SNIP1: variants seen among roughly 807,000 people sequenced by gnomAD.
The protein encoded by SNIP1 is smad nuclear-interacting protein 1.
A neutral mutation model predicts 37.4 loss-of-function variants in SNIP1; 23 were observed. The ratio of observed to expected loss-of-function variants is 0.61; its 90% CI spans 0.44 to 0.87. The LOEUF (loss-of-function observed/expected upper bound fraction) is 0.87, where lower values mean the gene tolerates loss of function less well. Ranked by LOEUF, SNIP1 falls within the 40% of genes least tolerant of loss-of-function variation. SNIP1 has a pLI of 0.00. For synonymous variants in SNIP1, 174 were observed against 200.0 expected (o/e 0.87, Z 1.10); for missense variants, 459 against 540.4 (o/e 0.85, Z 1.49).
chr1:37,546,940 A>G (rs1159618375), intron 2 of SNIP1, among the ~76,000 whole-genome samples: 1 of 152,200 alleles, frequency 6.6e-6, no homozygotes, highest in Admixed American at 6.6e-5. Context: ...TCAAGTTACC[A>G]GATTCTCTTG....
In SNIP1 at chr1:37,535,459, G is replaced by C. The variant is rs928029967; in HGVS notation, c.*2289C>G. ...TGGCATAAAGAATTTCTTAATCCAG[G>C]ACGTTATTCCTCTACTAAAATAAAA... On this transcript the variant is annotated 3_prime_UTR_variant, in exon 4 of 4. Transcript: ENST00000296215. The C allele has an allele frequency of 6.6e-6, 1 of 151,686 alleles. No individual in the cohort carries two copies. Among genetic ancestry groups the C allele is most frequent in the East Asian group, 1.9e-4 (1 of 5,180 alleles). The allele number at this position is 151,686 out of a possible 1,614,324, so 9.4% of individuals were successfully genotyped here.
intron 2 of SNIP1, 77 bp downstream of exon 2, chr1:37,552,568 C>G: frequency 1.6e-6 from 2 of 1,221,176 alleles, no homozygotes; most frequent in Non-Finnish European, 2.4e-6. Context: ...ACACACAACA[C>G]ACACACACAT....
At chr1:37,553,688 G>T (rs1486673276) in intron 1 of SNIP1, among the ~76,000 whole-genome samples, 2 of 152,074 alleles carry the variant, frequency 1.3e-5, no homozygotes, top group African/African-American at 4.8e-5. Context: ...CTCCATTTGT[G>T]GGAGGGATGG....
intron 2 of SNIP1, among the ~76,000 whole-genome samples, chr1:37,550,241 T>C (rs1045726494): frequency 3.9e-5 from 6 of 152,146 alleles, no homozygotes; most frequent in South Asian, 2.1e-4. Context: ...CTGGACTTCA[T>C]TGAAATTAAA....
At chr1:37,543,911 G>C (rs781052172) in intron 2 of SNIP1, among the ~76,000 whole-genome samples, 11 of 151,124 alleles carry the variant, frequency 7.3e-5, no homozygotes, top group African/African-American at 1.2e-4. Flanking sequence ...GAGGGCAAGG[G>C]GGGGGGCAGG....
Position 37,536,900 on chromosome 1 carries a change from AC to A in SNIP1, c.*847del, listed in dbSNP as rs1173083276. 1.3e-5 allele frequency: 2 copies of A among 152,200 alleles called. No homozygotes were observed. The highest frequency in any genetic ancestry group is 4.8e-5 in the African/African-American group (2 of 41,470). The allele number at this position is 152,200 out of a possible 1,614,324, so 9.4% of individuals were successfully genotyped here. Reference sequence around the variant, plus strand: ...ATTAGAATAAAGAAAGAACGCTGTCACATCAGTGACAGTTTATTTCTCAAAG... The same window carrying A: ...ATTAGAATAAAGAAAGAACGCTGTCAATCAGTGACAGTTTATTTCTCAAAG... On this transcript the variant is annotated 3_prime_UTR_variant, in exon 4 of 4. Coordinates refer to ENST00000296215, the MANE Select transcript of SNIP1 (RefSeq NM_024700.4).
chr1:37,550,664 G>A (rs922612851), intron 2 of SNIP1, among the ~76,000 whole-genome samples: 2 of 151,864 alleles, frequency 1.3e-5, no homozygotes, highest in African/African-American at 4.8e-5. Flanking sequence ...CTGAGATCGC[G>A]CCATTACACT....
In SNIP1 at chr1:37,548,021, G is replaced by A. The variant is rs374723422; in HGVS notation, c.327+4624C>T. On this transcript the variant is annotated intron_variant, in intron 2 of 3. Transcript: ENST00000296215. ...AAAAAAATTAGCCAGGCATGGTGGC[G>A]GGCGCCTGTAGTCCCAGCTACTCAG... Among the ~76,000 whole-genome samples, 56 of 151,290 alleles carry A rather than the reference G, an allele frequency of 3.7e-4. 2 individuals carry two copies. The East Asian group carries it at 0.011, about 29-fold the overall frequency.
chr1:37,536,320 C>T lies in SNIP1; in HGVS notation c.*1428G>A, dbSNP rs942612215. ...CCAAGAGGAACAATTAGTAGTAACA[C>T]TGATTGAGCTGCTTCACCACCTTTC... On this transcript the variant is annotated 3_prime_UTR_variant, in exon 4 of 4. Coordinates refer to ENST00000296215, the MANE Select transcript of SNIP1 (RefSeq NM_024700.4). 1 of 152,182 alleles carries T rather than the reference C, an allele frequency of 6.6e-6. No homozygotes were observed. The highest frequency in any genetic ancestry group is 1.5e-5 in the Non-Finnish European group (1 of 68,038). The allele number at this position is 152,182 out of a possible 1,614,324, so 9.4% of individuals were successfully genotyped here.
rs541512249 is a variant in SNIP1 at position 37,536,838 on chromosome 1, T to C, written c.*910A>G. The stretch of plus-strand genomic sequence containing the variant: ...TTAAAGGATGAAATGTGTAGAAACA[T>C]GTAAACAACACAACCTGCTTTAGAT... On this transcript the variant is annotated 3_prime_UTR_variant, in exon 4 of 4. Transcript: ENST00000296215. 1.3e-5 allele frequency: 2 copies of C among 152,264 alleles called. No individual in the cohort carries two copies. The highest frequency in any genetic ancestry group is 6.5e-5 in the Admixed American group (1 of 15,292). 9.4% of individuals were successfully genotyped at this position (152,264 alleles called of 1,614,324 possible).
rs919739721 is a variant in SNIP1, at chr1:37,552,404, A to C, written c.327+241T>G. The C allele has an allele frequency of 1.5e-5, 7 of 479,964 alleles. No individual in the cohort carries two copies. The Admixed American group carries it at 2.5e-4, about 17-fold the overall frequency. 29.7% of individuals were successfully genotyped at this position (479,964 alleles called of 1,614,324 possible). Reference sequence around the variant, plus strand: ...CAGGAAGAGTATATCTCCCTGAATTATTTCTGACAACTGCATGTGAACCAA... The same window carrying C: ...CAGGAAGAGTATATCTCCCTGAATTCTTTCTGACAACTGCATGTGAACCAA... On this transcript the variant is annotated intron_variant, in intron 2 of 3. Transcript: ENST00000296215.
In SNIP1 at chr1:37,540,376, G is replaced by A. The variant is rs1182220392; in HGVS notation, c.707C>T (p.Thr236Ile). Reference sequence around the variant, plus strand: ...AATGACTACACCCCGGAAAGTGTTGGTGTCCTCAAGAAGTGCCCCAGAAAG... The same window carrying A: ...AATGACTACACCCCGGAAAGTGTTGATGTCCTCAAGAAGTGCCCCAGAAAG... ...FELSGALLED[T>I]NTFRGVVIKY... is the part of the protein sequence containing the mutation. The change falls in exon 3 of 4, where the codon ACC (threonine) becomes ATC (isoleucine). Residue 236 changes from threonine (T) to isoleucine (I), a missense_variant. Transcript: ENST00000296215. The surrounding 1 kb of genome is among the most constrained non-coding windows in gnomAD (Gnocchi z 5.6). The A allele has an allele frequency of 2.5e-6, 4 of 1,614,110 alleles. No individual in the cohort carries two copies. The Admixed American group carries it at 5.0e-5, about 20-fold the overall frequency.
intron 2 of SNIP1, chr1:37,541,618 C>G (rs1300612140): frequency 6.7e-6 from 1 of 149,680 alleles, no homozygotes; most frequent in African/African-American, 2.5e-5. Context: ...GCCGAGATCA[C>G]GCCATTACAC....
intron 2 of SNIP1, among the ~76,000 whole-genome samples, chr1:37,543,048 C>A (rs367630529): frequency 6.0e-5 from 9 of 149,118 alleles, no homozygotes; most frequent in East Asian, 5.8e-4. Flanking sequence ...CAACAGAGAC[C>A]CTGTCTTGAA....
Position 37,537,994 on chromosome 1 carries a change from A to C in SNIP1, c.945T>G (p.Arg315=). Residue 315 remains arginine, a synonymous_variant, in exon 4 of 4, where the codon CGT becomes CGG. Transcript: ENST00000296215. ...VFQYRLVEYT[R]ADGTVGRRVK... ...CTCTTCGGCCAACTGTGCCATCAGC[A>C]CGGGTATATTCCACAAGCCTAGCAG... is the stretch of plus-strand genomic sequence containing the variant. The C allele has an allele frequency of 6.2e-7, 1 of 1,612,154 alleles. No homozygotes were observed. Among genetic ancestry groups the C allele is most frequent in the African/African-American group, 1.3e-5 (1 of 74,906 alleles).
At chr1:37,549,810 G>A (rs1221159467) in intron 2 of SNIP1, among the ~76,000 whole-genome samples, 7 of 152,080 alleles carry the variant, frequency 4.6e-5, no homozygotes, top group Admixed American at 2.0e-4. Context: ...AGACTACAAT[G>A]GGAAAAATCA....
chr1:37,539,461 C>G (rs1404943698), intron 3 of SNIP1, among the ~76,000 whole-genome samples: 1 of 152,188 alleles, frequency 6.6e-6, no homozygotes, highest in Non-Finnish European at 1.5e-5. Context: ...CCTGTAATCT[C>G]AGCACTTTGG....
Position 37,537,469 on chromosome 1 carries a change from CACTTCT to C in SNIP1, c.*273_*278del, listed in dbSNP as rs1336712953. 1 of 385,862 alleles carries C rather than the reference CACTTCT, an allele frequency of 2.6e-6. No individual in the cohort carries two copies. The highest frequency in any genetic ancestry group is 2.0e-5 in the African/African-American group (1 of 49,058). 23.9% of individuals were successfully genotyped at this position (385,862 alleles called of 1,614,324 possible). A position where few individuals can be genotyped will look rare whatever the true frequency, so the allele number is the denominator to read the frequency against. On this transcript the variant is annotated 3_prime_UTR_variant, in exon 4 of 4. Coordinates refer to ENST00000296215, the MANE Select transcript of SNIP1 (RefSeq NM_024700.4). ...CTGAAAGCACCAACTAAAACCACAA[CACTTCT>C]ACTAAAACACGGTGTGTTGTAATTG... is the stretch of plus-strand genomic sequence containing the variant.
At chr1:37,552,228 G>T (rs898430569) in intron 2 of SNIP1, among the ~76,000 whole-genome samples, 4 of 152,224 alleles carry the variant, frequency 2.6e-5, no homozygotes, top group Admixed American at 1.3e-4. Context: ...AAGGATAAAA[G>T]TGGGAGATAA....
Sources: gnomAD v4.1 joint callset for allele counts (sites outside exome capture counted in the v4.1 genomes callset) on GRCh38, gnomAD v4.1.1 for gene constraint, Gnocchi (gnomAD v3.1) non-coding constraint, MANE v1.5 for transcripts, NCBI Gene and HGNC (gene_info 2026-07-23, HGNC 2026-07-21) for gene names.